CHRNA2: variants seen among roughly 807,000 people sequenced by gnomAD.
The protein encoded by CHRNA2 is cholinergic receptor nicotinic alpha 2 subunit.
Under a neutral mutation model 45.5 loss-of-function variants are expected in CHRNA2, and 40 were observed. The observed-to-expected ratio is 0.88, with a 90% CI of 0.68 to 1.15. The LOEUF (loss-of-function observed/expected upper bound fraction) is 1.15. Among genes scored for constraint, CHRNA2 ranks in the 50% most tolerant of loss-of-function variants. CHRNA2 has a pLI of 0.00. For synonymous variants in CHRNA2, 301 were observed against 296.7 expected (o/e 1.01, Z -0.15); for missense variants, 655 against 701.7 (o/e 0.93, Z 0.75).
At chr8:27,474,103 C>T (rs1812987466) in intron 1 of CHRNA2, among the ~76,000 whole-genome samples, 2 of 152,178 alleles carry the variant, frequency 1.3e-5, no homozygotes, top group African/African-American at 4.8e-5. Flanking sequence ...CCCCGGGGAA[C>T]TGCAGAGGGC....
chr8:27,471,129 C>T lies in CHRNA2; in HGVS notation c.-71G>A. ...GTTGCACCATGGACCATGTCCCCAGCAGAGCTGCTGCTGGATTCTGTGAGG... is the reference window on the plus strand; with the variant it reads ...GTTGCACCATGGACCATGTCCCCAGTAGAGCTGCTGCTGGATTCTGTGAGG... On this transcript the variant is annotated 5_prime_UTR_variant, in exon 2 of 7. Transcript: ENST00000407991. 3 of 1,397,164 alleles carry T rather than the reference C, an allele frequency of 2.1e-6. No individual in the cohort carries two copies. The highest frequency in any genetic ancestry group is 2.3e-5 in the South Asian group (2 of 85,436). The allele number at this position is 1,397,164 out of a possible 1,614,324, so 86.5% of individuals were successfully genotyped here. A position where few individuals can be genotyped will look rare whatever the true frequency, so the allele number is the denominator to read the frequency against.
At chr8:27,475,598 T>A (rs1813037464) in intron 1 of CHRNA2, 1 of 152,116 alleles carries the variant, frequency 6.6e-6, no homozygotes, top group South Asian at 2.1e-4. Flanking sequence ...TTTGGGATGA[T>A]GAAAAAAATC....
At chr8:27,461,864 C>A in intron 6 of CHRNA2, 110 bp from the exon 7 acceptor site, 1 of 1,491,822 alleles carries the variant, frequency 6.7e-7, no homozygotes, top group Non-Finnish European at 9.3e-7. Context: ...GCAACTGCCC[C>A]ACAGAGACCT....
intron 1 of CHRNA2, among the ~76,000 whole-genome samples, chr8:27,474,976 C>G (rs1007419828): frequency 6.6e-6 from 1 of 152,220 alleles, no homozygotes; most frequent in African/African-American, 2.4e-5. Context: ...ACAGCTTTAC[C>G]ATCTTGCTCT....
In CHRNA2 at chr8:27,460,223, GT is replaced by G. The variant is rs1470907688; in HGVS notation, c.*1405del. 1 of 152,260 alleles carries G rather than the reference GT, an allele frequency of 6.6e-6. No individual in the cohort carries two copies. The highest frequency in any genetic ancestry group is 1.5e-5 in the Non-Finnish European group (1 of 68,080). 9.4% of individuals were successfully genotyped at this position (152,260 alleles called of 1,614,324 possible). On this transcript the variant is annotated 3_prime_UTR_variant, in exon 7 of 7. Transcript: ENST00000407991. ...TGTCCCACCCTCCAGTCTGGACAGA[GT>G]TGGGGGGAGGTCTGTTGCCCGATCC...
At chr8:27,478,163 C>T (rs1431272362) in intron 1 of CHRNA2, among the ~76,000 whole-genome samples, 2 of 152,352 alleles carry the variant, frequency 1.3e-5, no homozygotes, top group Non-Finnish European at 2.9e-5. Flanking sequence ...TCAGCTTTTT[C>T]ACAACTGGCA....
chr8:27,468,666 C>T (rs1467982909), intron 4 of CHRNA2, among the ~76,000 whole-genome samples: 2 of 152,202 alleles, frequency 1.3e-5, no homozygotes, highest in Non-Finnish European at 2.9e-5. Flanking sequence ...CCTTCCAGCA[C>T]CTTCCAGAGC....
In CHRNA2 at chr8:27,460,070, C is replaced by G. The variant is rs545789115; in HGVS notation, c.*1559G>C. On this transcript the variant is annotated 3_prime_UTR_variant, in exon 7 of 7. Transcript: ENST00000407991. ...TTCCCCTGAGAGTGTCAGGGAGAGACATTTTGGGGTTTGGAAGGAGGGGAC... is the reference window on the plus strand; with the variant it reads ...TTCCCCTGAGAGTGTCAGGGAGAGAGATTTTGGGGTTTGGAAGGAGGGGAC... 1 of 152,404 alleles carries G rather than the reference C, an allele frequency of 6.6e-6. No homozygotes were observed. Among genetic ancestry groups the G allele is most frequent in the South Asian group, 2.1e-4 (1 of 4,824 alleles). The allele number at this position is 152,404 out of a possible 1,614,324, so 9.4% of individuals were successfully genotyped here.
At chr8:27,473,669 C>T (rs1812970620) in intron 1 of CHRNA2, among the ~76,000 whole-genome samples, 1 of 152,004 alleles carries the variant, frequency 6.6e-6, no homozygotes, top group Non-Finnish European at 1.5e-5. Context: ...GATCTTGCCA[C>T]TGCACTCCAG....
At chr8:27,464,141 C>T in intron 5 of CHRNA2, 148 bp from the exon 6 acceptor site, 4 of 823,458 alleles carry the variant, frequency 4.9e-6, no homozygotes, top group Non-Finnish European at 4.0e-6. Flanking sequence ...TGTAAGTCTC[C>T]CCCGGCATGC....
Position 27,463,490 on chromosome 8 carries a change from A to T in CHRNA2, c.953T>A (p.Ile318Asn), listed in dbSNP as rs762812430. ...TVFLLLITEI[I>N]PSTSLVIPLI... is the part of the protein sequence containing the mutation. ...CGGGATGACCAGCGAGGTGGACGGG[A>T]TGATCTCAGTGATGAGCAGCAGGAA... Residue 318 changes from isoleucine to asparagine, a missense_variant, in exon 6 of 7, where the codon ATC (isoleucine) becomes AAC (asparagine). Physicochemically the swap from Ile to Asn is moderately radical, Grantham distance 149. Coordinates refer to ENST00000407991, the MANE Select transcript of CHRNA2 (RefSeq NM_000742.4). The surrounding 1 kb of genome is among the most constrained non-coding windows in gnomAD (Gnocchi z 6.1). 2 of 1,614,178 alleles carry T rather than the reference A, an allele frequency of 1.2e-6. No homozygotes were observed. Among genetic ancestry groups the T allele is most frequent in the Non-Finnish European group, 1.7e-6 (2 of 1,180,034 alleles).
chr8:27,462,861 G>A (rs1812540227), intron 6 of CHRNA2, 118 bp downstream of exon 6: 1 of 1,220,130 alleles, frequency 8.2e-7, no homozygotes, highest in Non-Finnish European at 1.2e-6. Flanking sequence ...CATGACTGAG[G>A]AAAGTGGGCC....
rs1008135646 is a variant in CHRNA2, at chr8:27,467,329, C to T, written c.349G>A (p.Asp117Asn). ...GTGGGGTTCCAGCGCAGTTTGTAGT[C>T]GCTCCACTCCTGTGTGTGGGGAAGG... ...TNVWLKQEWS[D>N]YKLRWNPTDF... The change falls in exon 5 of 7, where the codon GAC becomes AAC. Residue 117 changes from aspartate to asparagine, a missense_variant. By Grantham distance (23) the Asp-to-Asn change is conservative. This residue lies in a region of CHRNA2 where 323 missense variants were observed against 354.4 expected (regional missense o/e 0.91). Coordinates refer to ENST00000407991, the MANE Select transcript of CHRNA2 (RefSeq NM_000742.4). 3.7e-6 allele frequency: 6 copies of T among 1,610,270 alleles called. No individual in the cohort carries two copies. Among genetic ancestry groups the T allele is most frequent in the Non-Finnish European group, 5.1e-6 (6 of 1,176,800 alleles).
chr8:27,475,046 G>C (rs1207674842), intron 1 of CHRNA2, among the ~76,000 whole-genome samples: 1 of 152,166 alleles, frequency 6.6e-6, no homozygotes, highest in Non-Finnish European at 1.5e-5. Context: ...TCTGGGCGCA[G>C]GAATTAGAGG....
At chr8:27,462,399 A>G (rs754505980) in intron 6 of CHRNA2, among the ~76,000 whole-genome samples, 2 of 146,814 alleles carry the variant, frequency 1.4e-5, no homozygotes, top group Non-Finnish European at 3.0e-5. Flanking sequence ...GGCCTGCTCA[A>G]TGGCAGACAG....
In CHRNA2 at chr8:27,467,333, C is replaced by T. The variant is rs1321269978; in HGVS notation, c.345G>A (p.Trp115Ter). The change falls in exon 5 of 7, where the codon TGG (tryptophan) becomes TGA (stop). Residue 115 changes from tryptophan to a stop codon, truncating the protein, a stop_gained. Transcript: ENST00000407991. LOFTEE classifies it high-confidence loss of function. ...GGTTCCAGCGCAGTTTGTAGTCGCT[C>T]CACTCCTGTGTGTGGGGAAGGAGTT... The part of the protein sequence containing the change: ...MTTNVWLKQE[W>*]SDYKLRWNPT... 1.2e-6 allele frequency: 2 copies of T among 1,609,340 alleles called. No homozygotes were observed. Among genetic ancestry groups the T allele is most frequent in the South Asian group, 1.1e-5 (1 of 90,980 alleles).
intron 4 of CHRNA2, among the ~76,000 whole-genome samples, chr8:27,468,643 C>G (rs1812773891): frequency 6.6e-6 from 1 of 152,222 alleles, no homozygotes; most frequent in Admixed American, 6.5e-5. Flanking sequence ...CATCTGAGTC[C>G]AGCCTTCCAG....
intron 1 of CHRNA2, among the ~76,000 whole-genome samples, chr8:27,472,541 AAC>A (rs1563324938): frequency 1.3e-5 from 2 of 152,140 alleles, no homozygotes; most frequent in African/African-American, 2.4e-5. Flanking sequence ...AGCAGAGAAA[AAC>A]AGTTTGTGGT....
At chr8:27,469,639 A>G in intron 3 of CHRNA2, 122 bp downstream of exon 3, 1 of 1,301,582 alleles carries the variant, frequency 7.7e-7, no homozygotes, top group Non-Finnish European at 1.1e-6. Flanking sequence ...AGCCATCCCC[A>G]ACCCCACCCC....
Sources: allele counts gnomAD v4.1 joint callset (sites outside exome capture counted in the v4.1 genomes callset), GRCh38; gene constraint gnomAD v4.1.1; regional missense constraint gnomAD v4.1.1; non-coding constraint Gnocchi (gnomAD v3.1); transcripts MANE v1.5; gene names NCBI Gene and HGNC (gene_info 2026-07-23, HGNC 2026-07-21).